Variants in TNIP1 observed in about 807,000 individuals in gnomAD.
The protein encoded by TNIP1 is TNFAIP3-interacting protein 1.
TNIP1 carries 22 observed loss-of-function variants against 86.6 expected under a neutral mutation model. The ratio of observed to expected loss-of-function variants is 0.25; its 90% CI spans 0.18 to 0.36. TNIP1 has a LOEUF of 0.36. TNIP1 is among the 10% of genes least tolerant of loss of function. TNIP1 has a pLI of 1.00. For missense variants in TNIP1, 709 were observed against 820.6 expected (o/e 0.86, Z 1.66); for synonymous variants, 294 against 313.0 (o/e 0.94, Z 0.64).
chr5:151,059,821 GA>G, intron 5 of TNIP1, among the ~76,000 whole-genome samples: 2 of 98,844 alleles, frequency 2.0e-5, no homozygotes, highest in South Asian at 3.2e-4. Context: ...GAGAGAGAGA[GA>G]GAGAGAGTGT....
intron 8 of TNIP1, among the ~76,000 whole-genome samples, chr5:151,047,724 T>C (rs11747116): frequency 0.42 from 63,631 of 151,504 alleles, 13,636 homozygotes; most frequent in Middle Eastern, 0.56. Flanking sequence ...AAATAGCAAG[T>C]GCTGGGGTGA....
chr5:151,063,813 C>T (rs1761893363), intron 2 of TNIP1, 66 bp from the exon 3 acceptor site: 1 of 1,580,834 alleles, frequency 6.3e-7, no homozygotes, highest in African/African-American at 1.3e-5. Context: ...TCTCCCCGTC[C>T]CAGGCCCCTA....
At chr5:151,037,019 A>C in intron 12 of TNIP1, 98 bp from the exon 13 acceptor site, 5 of 1,407,460 alleles carry the variant, frequency 3.6e-6, no homozygotes, top group Non-Finnish European at 4.7e-6. Flanking sequence ...AATAATAATC[A>C]TACTAATAAT....
intron 1 of TNIP1, among the ~76,000 whole-genome samples, chr5:151,073,900 T>C (rs897723857): frequency 6.6e-6 from 1 of 151,460 alleles, no homozygotes. Flanking sequence ...CTCTGTCTCT[T>C]AAAAAAAAGA....
At chr5:151,044,648 G>A (rs556964185) in intron 9 of TNIP1, among the ~76,000 whole-genome samples, 97 of 152,304 alleles carry the variant, frequency 6.4e-4, no homozygotes, top group African/African-American at 2.1e-3. Flanking sequence ...GGCAGGCTCA[G>A]GGTTCTAGAG....
chr5:151,033,992 A>AGCATGGAAGGCTGCATGG (rs1757291767), intron 15 of TNIP1, among the ~76,000 whole-genome samples, 193 bp from the exon 16 acceptor site: 4 of 152,140 alleles, frequency 2.6e-5, no homozygotes, highest in Admixed American at 6.5e-5. Flanking sequence ...TGGATATATG[A>AGCATGGAAGGCTGCATGG]GCATGGAAGG....
chr5:151,072,964 G>A (rs1309120239), intron 1 of TNIP1, among the ~76,000 whole-genome samples: 1 of 152,216 alleles, frequency 6.6e-6, no homozygotes, highest in Non-Finnish European at 1.5e-5. Flanking sequence ...GCTCATGCCT[G>A]TAATTCCAGC....
chr5:151,058,364 G>C (rs1327517694), intron 5 of TNIP1, among the ~76,000 whole-genome samples: 1 of 152,152 alleles, frequency 6.6e-6, no homozygotes, highest in South Asian at 2.1e-4. Flanking sequence ...GCACACCGTG[G>C]GCCAGATAGT....
At chr5:151,052,066 T>A in intron 7 of TNIP1, 99 bp downstream of exon 7, 1 of 1,052,458 alleles carries the variant, frequency 9.5e-7, no homozygotes, top group Non-Finnish European at 1.4e-6. Context: ...GCACAGGGCC[T>A]CAGAGCCACG....
At chr5:151,037,660 C>T (rs1315413552) in intron 12 of TNIP1, among the ~76,000 whole-genome samples, 2 of 152,202 alleles carry the variant, frequency 1.3e-5, no homozygotes, top group Non-Finnish European at 2.9e-5. Flanking sequence ...CGTGTTTCCC[C>T]TTTAACTCTG....
chr5:151,030,123 C>T lies in TNIP1; in HGVS notation c.*590G>A, dbSNP rs1230360441. 5 of 456,886 alleles carry T rather than the reference C, an allele frequency of 1.1e-5. No individual in the cohort carries two copies. The highest frequency in any genetic ancestry group is 3.3e-4 in the Middle Eastern group (1 of 3,074). The allele number at this position is 456,886 out of a possible 1,614,324, so 28.3% of individuals were successfully genotyped here. ...CCCTCGGCGGACGTGGCTGGCATGG[C>T]CTTCTCCCATCTGTGATGGCTTCAG... On this transcript the variant is annotated 3_prime_UTR_variant, in exon 18 of 18. Transcript: ENST00000521591.
At chr5:151,043,015 G>A (rs1373410648) in intron 9 of TNIP1, 54 bp from the exon 10 acceptor site, 2 of 1,554,248 alleles carry the variant, frequency 1.3e-6, no homozygotes, top group East Asian at 2.2e-5. Flanking sequence ...AACAAGGAGA[G>A]CCATCTCCTG....
rs143590032 is a variant in TNIP1 at position 151,033,658 on chromosome 5, T to C, written c.1729A>G (p.Met577Val). Residue 577 changes from methionine to valine, a missense_variant, in exon 16 of 18, where the codon ATG becomes GTG. Transcript: ENST00000521591. ...AGTGGGGGCGGGTGCTCCATGGCCA[T>C]GGGGGGAGGGGGGTAGCGGATCTGG... ...WSQIRYPPPPMAMEHPPPLPN... is the reference protein window; with the variant it reads ...WSQIRYPPPPVAMEHPPPLPN... The C allele has an allele frequency of 7.3e-6, 3 of 411,780 alleles. No individual in the cohort carries two copies. The African/African-American group carries it at 1.1e-4, about 15-fold the overall frequency. The allele number at this position is 411,780 out of a possible 1,614,324, so 25.5% of individuals were successfully genotyped here. A position where few individuals can be genotyped will look rare whatever the true frequency, so the allele number is the denominator to read the frequency against.
chr5:151,041,114 A>G (rs1168370063), intron 11 of TNIP1, among the ~76,000 whole-genome samples: 3 of 147,238 alleles, frequency 2.0e-5, no homozygotes, highest in African/African-American at 7.6e-5. Flanking sequence ...TCTGTTGCCC[A>G]AGCTGGAGTG....
At chr5:151,080,753 CGCGCGCCGGGCCTGG>C (rs1421988604) in intron 1 of TNIP1, 112 bp downstream of exon 1, 3 of 152,330 alleles carry the variant, frequency 2.0e-5, no homozygotes, top group Non-Finnish European at 4.4e-5. Context: ...CCCGGGACCC[CGCGCGCCGGGCCTGG>C]GTGCACAAGC....
Position 151,042,884 on chromosome 5 carries a change from A to AC in TNIP1, c.1002+11dup, listed in dbSNP as rs756153340. ...GCATGCCCTGTGGGCGTGGCCAGGA[A>AC]CCCCACATTACCTTCTGCTCATACT... On this transcript the variant is annotated intron_variant, in intron 10 of 17. Transcript: ENST00000521591. 6.2e-7 allele frequency: 1 copy of AC among 1,613,424 alleles called. No homozygotes were observed. The highest frequency in any genetic ancestry group is 8.5e-7 in the Non-Finnish European group (1 of 1,179,996).
chr5:151,036,633 G>C (rs894184924), intron 13 of TNIP1, among the ~76,000 whole-genome samples, 157 bp downstream of exon 13: 1 of 152,208 alleles, frequency 6.6e-6, no homozygotes, highest in East Asian at 1.9e-4. Flanking sequence ...TATGGTGCTG[G>C]AAAGGATAAA....
At chr5:151,055,723 C>T (rs1403654546) in intron 6 of TNIP1, among the ~76,000 whole-genome samples, 2 of 152,190 alleles carry the variant, frequency 1.3e-5, no homozygotes, top group Non-Finnish European at 1.5e-5. Context: ...CTGCCATCAG[C>T]GGGGCACTTG....
intron 15 of TNIP1, among the ~76,000 whole-genome samples, chr5:151,034,217 C>T (rs1757349270): frequency 7.0e-6 from 1 of 143,592 alleles, no homozygotes; most frequent in Non-Finnish European, 1.5e-5. Context: ...AAGGCTGGTA[C>T]ATGGACACGG....
Sources: allele counts gnomAD v4.1 joint callset (sites outside exome capture counted in the v4.1 genomes callset), GRCh38; gene constraint gnomAD v4.1.1; transcripts MANE v1.5; gene names NCBI Gene and HGNC (gene_info 2026-07-23, HGNC 2026-07-21).